Variants in KIAA1958 observed in about 807,000 individuals in gnomAD.
The protein encoded by KIAA1958 is KIAA1958, also known as uncharacterized protein KIAA1958.
A neutral mutation model predicts 47.2 loss-of-function variants in KIAA1958; 14 were observed. The ratio of observed to expected loss-of-function variants is 0.30; its 90% confidence interval spans 0.20 to 0.46. The LOEUF is 0.46. Among genes scored for constraint, KIAA1958 ranks in the 20% least tolerant of loss-of-function variants. The pLI, the probability that KIAA1958 is intolerant of heterozygous loss-of-function variation, is 1.00. For synonymous variants in KIAA1958, 354 were observed against 353.3 expected, an observed-to-expected ratio of 1.00 and a Z score of -0.02; for missense variants, 803 against 909.2, an observed-to-expected ratio of 0.88 and a Z score of 1.50.
At chr9:112,651,358 CTATA>C (rs756644401) in intron 3 of KIAA1958, among the ~76,000 whole-genome samples, 118 of 149,044 alleles carry the variant, frequency 7.9e-4, no homozygotes, top group Non-Finnish European at 1.5e-3. Context: ...ATATTTAATT[CTATA>C]TATATATTTT....
chr9:112,558,761 G>A (rs1564171916), intron 1 of KIAA1958, among the ~76,000 whole-genome samples: 1 of 152,122 alleles, frequency 6.6e-6, no homozygotes, highest in Non-Finnish European at 1.5e-5. Flanking sequence ...GAATGGAGGG[G>A]CTATTAAAAT....
chr9:112,618,635 G>T lies in KIAA1958; in HGVS notation c.1172-27015G>T. 2.6e-6 allele frequency: 4 copies of T among 1,550,712 alleles called. No homozygotes were observed. Among genetic ancestry groups the T allele is most frequent in the Non-Finnish European group, 3.5e-6 (4 of 1,147,024 alleles). The stretch of plus-strand genomic sequence containing the variant: ...TTTCTACTTATCCATCAAGCCAGTC[G>T]TGAACCTGGCGGCTCTGCATTGGTA... On this transcript the variant is annotated intron_variant, in intron 2 of 3. Transcript: ENST00000337530. This position sits in a 1 kb window ranked among gnomAD's most constrained non-coding sequence, Gnocchi z 7.1.
intron 1 of KIAA1958, among the ~76,000 whole-genome samples, chr9:112,552,464 C>T (rs907961995): frequency 2.0e-5 from 3 of 152,206 alleles, no homozygotes; most frequent in African/African-American, 7.2e-5. Context: ...GACTGCCAGC[C>T]TGTGGGAACC....
intron 2 of KIAA1958, among the ~76,000 whole-genome samples, chr9:112,591,950 G>A (rs1203529141): frequency 6.6e-6 from 1 of 152,194 alleles, no homozygotes; most frequent in Non-Finnish European, 1.5e-5. Flanking sequence ...GACAAGGGAG[G>A]GAAAGGGGTT....
chr9:112,492,929 T>TC, intron 1 of KIAA1958, among the ~76,000 whole-genome samples: 1 of 148,650 alleles, frequency 6.7e-6, no homozygotes. Context: ...TTTTTTTTTT[T>TC]TTTTTTTGTA....
chr9:112,600,683 T>A (rs1210447382), intron 2 of KIAA1958, among the ~76,000 whole-genome samples: 3 of 152,212 alleles, frequency 2.0e-5, no homozygotes, highest in Non-Finnish European at 4.4e-5. Context: ...CATGAATGCC[T>A]GACTTCAGTA....
At chr9:112,575,290 C>A in intron 2 of KIAA1958, 39 bp downstream of exon 2, 2 of 1,395,270 alleles carry the variant, frequency 1.4e-6, no homozygotes, top group Non-Finnish European at 1.9e-6. Flanking sequence ...CTCATCCACG[C>A]ACGCCAGAAT....
At chr9:112,499,914 T>C (rs1043838499) in intron 1 of KIAA1958, among the ~76,000 whole-genome samples, 3 of 152,036 alleles carry the variant, frequency 2.0e-5, no homozygotes, top group Non-Finnish European at 4.4e-5. Flanking sequence ...GGTCTCTATC[T>C]CCTGACCTCG....
intron 1 of KIAA1958, among the ~76,000 whole-genome samples, chr9:112,499,605 T>C (rs1834099041): frequency 1.3e-5 from 2 of 152,130 alleles, no homozygotes; most frequent in African/African-American, 4.8e-5. Flanking sequence ...GATATGTATA[T>C]AGTTTTACAT....
chr9:112,651,013 A>G (rs1204266289), intron 3 of KIAA1958, among the ~76,000 whole-genome samples: 1 of 152,206 alleles, frequency 6.6e-6, no homozygotes, highest in African/African-American at 2.4e-5. Context: ...ACTTAAAAAC[A>G]GAGCATAAAA....
At chr9:112,586,315 T>C (rs377264238) in intron 2 of KIAA1958, among the ~76,000 whole-genome samples, 9 of 152,336 alleles carry the variant, frequency 5.9e-5, no homozygotes, top group East Asian at 1.9e-4. Flanking sequence ...CACTTTCTAC[T>C]CAGCTAAAAA....
intron 3 of KIAA1958, among the ~76,000 whole-genome samples, chr9:112,648,134 T>A (rs1837007069): frequency 1.3e-5 from 2 of 152,134 alleles, no homozygotes; most frequent in Admixed American, 1.3e-4. Flanking sequence ...AGATGAAAGA[T>A]ATAAAACAAT....
At chr9:112,580,786 CA>C (rs11290337) in intron 2 of KIAA1958, among the ~76,000 whole-genome samples, 138,233 of 146,768 alleles carry the variant, frequency 0.94, 65,104 homozygotes, top group South Asian at 0.98. Context: ...GACTCCATCT[CA>C]AAAAAAAAAA....
In KIAA1958 at chr9:112,661,433, C is replaced by A. The variant is rs1183287022; in HGVS notation, c.*1364C>A. 1 of 152,164 alleles carries A rather than the reference C, an allele frequency of 6.6e-6. No individual in the cohort carries two copies. The highest frequency in any genetic ancestry group is 6.5e-5 in the Admixed American group (1 of 15,280). 9.4% of individuals were successfully genotyped at this position (152,164 alleles called of 1,614,324 possible). ...CCTTGACTTTGCATTTGAGGAAAAT[C>A]TTGTGTAACTTTATTCCATTATGCT... On this transcript the variant is annotated 3_prime_UTR_variant, in exon 4 of 4. Transcript: ENST00000337530.
At chr9:112,540,923 G>C (rs1834929945) in intron 1 of KIAA1958, among the ~76,000 whole-genome samples, 1 of 151,892 alleles carries the variant, frequency 6.6e-6, no homozygotes, top group Admixed American at 6.6e-5. Flanking sequence ...AGTTAATTGT[G>C]TTGCCTGGGC....
chr9:112,488,062 A>G (rs1833899550), intron 1 of KIAA1958, among the ~76,000 whole-genome samples: 1 of 152,100 alleles, frequency 6.6e-6, no homozygotes, highest in African/African-American at 2.4e-5. Context: ...TAAACAGCTA[A>G]CAAGCCAGTC....
At chr9:112,521,868 G>A (rs372084164) in intron 1 of KIAA1958, among the ~76,000 whole-genome samples, 1 of 151,982 alleles carries the variant, frequency 6.6e-6, no homozygotes, top group Admixed American at 6.6e-5. Context: ...ACTGATTACT[G>A]TGTGCCCTTA....
At chr9:112,502,758 C>T (rs145456449) in intron 1 of KIAA1958, among the ~76,000 whole-genome samples, 17 of 152,226 alleles carry the variant, frequency 1.1e-4, no homozygotes, top group South Asian at 2.1e-4. Flanking sequence ...TGAGTAGTTA[C>T]GATAGAGATC....
intron 1 of KIAA1958, among the ~76,000 whole-genome samples, chr9:112,561,595 C>T (rs1295633642): frequency 6.6e-6 from 1 of 152,154 alleles, no homozygotes; most frequent in African/African-American, 2.4e-5. Context: ...TGGCTCACCC[C>T]TGTAATCCCA....
Sources: gnomAD v4.1 joint callset for allele counts (sites outside exome capture counted in the v4.1 genomes callset) on GRCh38, gnomAD v4.1.1 for gene constraint, Gnocchi (gnomAD v3.1) non-coding constraint, MANE v1.5 for transcripts, NCBI Gene and HGNC (gene_info 2026-07-23, HGNC 2026-07-21) for gene names.